The following MERTK variants were observed in gnomAD, a reference collection of about 807,000 sequenced individuals.
The protein encoded by MERTK is MER proto-oncogene, tyrosine kinase.
In MERTK, 69 loss-of-function variants were observed where a neutral mutation model predicts 99.3. That is an observed-to-expected ratio of 0.70 (90% CI 0.57 to 0.85). The LOEUF (loss-of-function observed/expected upper bound fraction) is 0.85, where lower values mean the gene tolerates loss of function less well. Ranked by LOEUF, MERTK falls within the 40% of genes least tolerant of loss-of-function variation. The pLI, the probability that MERTK is intolerant of heterozygous loss-of-function variation, is 0.00. For missense variants in MERTK, 1,125 were observed against 1,249.4 expected, an observed-to-expected ratio of 0.90 and a Z score of 1.50; for synonymous variants, 426 against 467.6, an observed-to-expected ratio of 0.91 and a Z score of 1.15.
chr2:111,949,627 A>G (rs1215104057), intron 4 of MERTK, among the ~76,000 whole-genome samples: 2 of 152,214 alleles, frequency 1.3e-5, no homozygotes, highest in African/African-American at 4.8e-5. Context: ...AGTGCATAGA[A>G]TTCAGTTGTA....
At chr2:112,025,689 C>T (rs1366550789) in intron 18 of MERTK, among the ~76,000 whole-genome samples, 1 of 152,184 alleles carries the variant, frequency 6.6e-6, no homozygotes, top group Non-Finnish European at 1.5e-5. Context: ...AGACTTGCAG[C>T]CTGCACTCAG....
chr2:111,947,789 C>T (rs1437036568), intron 4 of MERTK, among the ~76,000 whole-genome samples: 1 of 152,000 alleles, frequency 6.6e-6, no homozygotes, highest in African/African-American at 2.4e-5. Context: ...TCTGGGGGTA[C>T]ATAGGGTTAA....
rs1683969812 is a variant in MERTK, at chr2:111,898,626, G to A, written c.-110G>A. On this transcript the variant is annotated 5_prime_UTR_variant, in exon 1 of 19. Transcript: ENST00000295408. ...TCCGCCACTCGGCACTCACTGCCCG[G>A]GCCGCCCGGACAGGGAGCTTCGCTG... 1.5e-6 allele frequency: 2 copies of A among 1,357,294 alleles called. No individual in the cohort carries two copies. The highest frequency in any genetic ancestry group is 2.5e-5 in the South Asian group (2 of 79,290). 84.1% of individuals were successfully genotyped at this position (1,357,294 alleles called of 1,614,324 possible).
chr2:111,944,533 A>ATTCCTTAAAATAAT (rs1265922025), intron 2 of MERTK, among the ~76,000 whole-genome samples: 1 of 151,258 alleles, frequency 6.6e-6, no homozygotes, highest in Non-Finnish European at 1.5e-5. Flanking sequence ...TTAAGGAATT[A>ATTCCTTAAAATAAT]GCTCACACAC....
At chr2:111,939,035 TTCTTG>T (rs1684814314) in intron 2 of MERTK, among the ~76,000 whole-genome samples, 1 of 152,226 alleles carries the variant, frequency 6.6e-6, no homozygotes. Context: ...TATATTTTAC[TTCTTG>T]TCTTAGTCTG....
At chr2:111,904,892 A>G (rs1159431093) in intron 1 of MERTK, among the ~76,000 whole-genome samples, 2 of 152,184 alleles carry the variant, frequency 1.3e-5, no homozygotes, top group Admixed American at 1.3e-4. Flanking sequence ...GCCAACCCTC[A>G]GGTGCCCGGG....
intron 10 of MERTK, 132 bp downstream of exon 10, chr2:111,997,608 G>A: frequency 9.3e-7 from 1 of 1,073,478 alleles, no homozygotes; most frequent in Non-Finnish European, 1.4e-6. Flanking sequence ...GCATACCCTG[G>A]GCTCAGGCAG....
intron 3 of MERTK, 97 bp from the exon 4 acceptor site, chr2:111,947,297 A>AAAAAT: frequency 2.5e-6 from 3 of 1,222,122 alleles, no homozygotes; most frequent in Non-Finnish European, 3.6e-6. Flanking sequence ...AAAAAAAGAA[A>AAAAAT]TCTATTGCCA....
chr2:111,932,651 G>T (rs1443016424), intron 2 of MERTK, among the ~76,000 whole-genome samples: 1 of 152,230 alleles, frequency 6.6e-6, no homozygotes, highest in East Asian at 1.9e-4. Context: ...AACATGAAAT[G>T]CAGCTTAACA....
intron 4 of MERTK, among the ~76,000 whole-genome samples, chr2:111,955,759 T>TA (rs1191517937): frequency 6.6e-6 from 1 of 152,102 alleles, no homozygotes; most frequent in Non-Finnish European, 1.5e-5. Flanking sequence ...TATTTCAAAA[T>TA]AAAAAGTTTC....
intron 1 of MERTK, among the ~76,000 whole-genome samples, chr2:111,918,367 TG>T (rs1258980324): frequency 6.6e-6 from 1 of 152,236 alleles, no homozygotes; most frequent in Non-Finnish European, 1.5e-5. Flanking sequence ...ATTTACGTAC[TG>T]GTAGGCTGGA....
intron 8 of MERTK, 91 bp from the exon 9 acceptor site, chr2:111,994,159 CG>C (rs1676686890): frequency 6.9e-7 from 1 of 1,452,496 alleles, no homozygotes; most frequent in African/African-American, 1.4e-5. Flanking sequence ...CGGACGTGGG[CG>C]GGATGGCTTC....
At position 112,001,259 on chromosome 2, in the gene MERTK, T is replaced by C. The variant is rs1676863568; in HGVS notation, c.1663T>C (p.Phe555Leu). The C allele has an allele frequency of 1.2e-6, 2 of 1,613,936 alleles. No individual in the cohort carries two copies. The highest frequency in any genetic ancestry group is 1.7e-4 in the Middle Eastern group (1 of 6,060). Residue 555 changes from phenylalanine to leucine, a missense_variant, in exon 11 of 19, where the codon TTC becomes CTC. Transcript: ENST00000295408. ...LVVNYIAKKS[F>L]CRRAIELTLH... Reference sequence around the variant, plus strand: ...GGTGAATTATATAGCAAAGAAATCCTTCTGTCGGCGAGCCATTGAACTTAC... The same window carrying C: ...GGTGAATTATATAGCAAAGAAATCCCTCTGTCGGCGAGCCATTGAACTTAC...
At position 111,947,385 on chromosome 2, in the gene MERTK, TCTCCGCAGGACTTC is replaced by T; in HGVS notation, c.584-5_592del. The T allele has an allele frequency of 6.2e-7, 1 of 1,614,038 alleles. No homozygotes were observed. Among genetic ancestry groups the T allele is most frequent in the Non-Finnish European group, 8.5e-7 (1 of 1,179,990 alleles). ...TGAAACATTCTTTTGTGTAACGTTT[TCTCCGCAGGACTTC>T]CTCACTTTACTAAGCAGCCTGAGAG... On this transcript the variant is annotated splice_acceptor_variant and splice_polypyrimidine_tract_variant and coding_sequence_variant and intron_variant, in exon 4 of 19. Transcript: ENST00000295408. LOFTEE classifies it high-confidence loss of function.
intron 1 of MERTK, among the ~76,000 whole-genome samples, chr2:111,915,872 G>A (rs1382043480): frequency 6.6e-6 from 1 of 152,124 alleles, no homozygotes; most frequent in African/African-American, 2.4e-5. Flanking sequence ...TCTAGCCTGG[G>A]CAACAAGAGC....
intron 4 of MERTK, among the ~76,000 whole-genome samples, chr2:111,964,395 GTGTGCGCGCGCGCACGCGCA>G (rs1261968516): frequency 2.6e-4 from 23 of 88,368 alleles, no homozygotes; most frequent in Admixed American, 9.8e-4. Flanking sequence ...GTGTGTGTGT[GTGTGCGCGCGCGCACGCGCA>G]TGTGTGTGTG....
chr2:111,937,290 A>T (rs147780320), intron 2 of MERTK, among the ~76,000 whole-genome samples: 836 of 79,318 alleles, frequency 0.011, 8 homozygotes, highest in African/African-American at 0.04. Flanking sequence ...ACAAAAAATT[A>T]AAAAAAAAAA....
chr2:111,982,669 C>T (rs1996322), intron 7 of MERTK, among the ~76,000 whole-genome samples, 173 bp from the exon 8 acceptor site: 94,147 of 152,108 alleles, frequency 0.62, 29,515 homozygotes, highest in Middle Eastern at 0.69. Context: ...TTAAAACTCA[C>T]TGATATCTCA....
At chr2:112,011,354 G>A (rs999412036) in intron 15 of MERTK, among the ~76,000 whole-genome samples, 3 of 152,198 alleles carry the variant, frequency 2.0e-5, no homozygotes, top group African/African-American at 7.2e-5. Context: ...ACACTCCCCT[G>A]TATCTACAAA....
Sources: gnomAD v4.1 joint callset for allele counts (sites outside exome capture counted in the v4.1 genomes callset) on GRCh38, gnomAD v4.1.1 for gene constraint, MANE v1.5 for transcripts, NCBI Gene and HGNC (gene_info 2026-07-23, HGNC 2026-07-21) for gene names.